ZNF33A: variants seen among roughly 807,000 people sequenced by gnomAD.
ZNF33A encodes zinc finger protein 33A.
In ZNF33A, 9 loss-of-function variants were observed where a neutral mutation model predicts 15.9. The ratio of observed to expected loss-of-function variants is 0.57; its 90% CI spans 0.34 to 0.99. The LOEUF is 0.99. ZNF33A is among the 50% of genes least tolerant of loss of function. The probability of loss-of-function intolerance (pLI) is 0.02; values close to 1 mark genes in which losing one functional copy is unlikely to be tolerated. For synonymous variants in ZNF33A, 294 were observed against 324.2 expected (o/e 0.91, Z 1.00); for missense variants, 843 against 941.6 (o/e 0.90, Z 1.37).
intron 4 of ZNF33A, among the ~76,000 whole-genome samples, chr10:38,049,085 A>G (rs1362249042): frequency 1.3e-5 from 2 of 152,114 alleles, no homozygotes; most frequent in Non-Finnish European, 1.5e-5. Flanking sequence ...CTCCCACCAT[A>G]AGGGGTTTAA....
At position 38,026,524 on chromosome 10, in the gene ZNF33A, G is replaced by A. The variant is rs184849735; in HGVS notation, c.250+9138G>A. On this transcript the variant is annotated intron_variant, in intron 4 of 4. Transcript: ENST00000432900. ...TAATTTTTGTGGTTTTAGTAGAGACGGGGTTTCACCATGTTGGCCAGGCTT... is the reference window on the plus strand; with the variant it reads ...TAATTTTTGTGGTTTTAGTAGAGACAGGGTTTCACCATGTTGGCCAGGCTT... Among the ~76,000 whole-genome samples, 1,374 of 152,168 alleles carry A rather than the reference G, an allele frequency of 9.0e-3. 9 individuals are homozygous for A. Among genetic ancestry groups the A allele is most frequent in the Middle Eastern group, 0.021 (6 of 292 alleles).
At chr10:38,061,042 G>A (rs1482791482), downstream of ZNF33A, among the ~76,000 whole-genome samples, 3 of 152,122 alleles carry the variant, frequency 2.0e-5, 1 homozygote, top group South Asian at 6.2e-4. Flanking sequence ...GTACAGTGAC[G>A]AACTGATCAG....
At chr10:38,017,146 C>G (rs1168685523) in intron 3 of ZNF33A, 131 bp downstream of exon 3, 1 of 1,429,550 alleles carries the variant, frequency 7.0e-7, no homozygotes, top group Non-Finnish European at 9.5e-7. Context: ...TTGATCACCT[C>G]TGAGTACCAG....
In ZNF33A at chr10:38,059,613, G is replaced by C. The variant is rs1413146799; in HGVS notation, c.*3053G>C. On this transcript the variant is annotated 3_prime_UTR_variant, in exon 5 of 5. Transcript: ENST00000432900. The stretch of plus-strand genomic sequence containing the variant: ...GTTAAGTGAAAACCAATCTGAAAAG[G>C]CTTTCTATTTTGTATGATTGCAATT... 2 of 152,150 alleles carry C rather than the reference G, an allele frequency of 1.3e-5. No individual in the cohort carries two copies. The highest frequency in any genetic ancestry group is 2.9e-5 in the Non-Finnish European group (2 of 68,014). 9.4% of individuals were successfully genotyped at this position (152,150 alleles called of 1,614,324 possible). A position where few individuals can be genotyped will look rare whatever the true frequency, so the allele number is the denominator to read the frequency against.
In ZNF33A at chr10:38,059,050, G is replaced by C. The variant is rs1564889548; in HGVS notation, c.*2490G>C. The C allele has an allele frequency of 6.6e-6, 1 of 152,132 alleles. No individual in the cohort carries two copies. The highest frequency in any genetic ancestry group is 1.5e-5 in the Non-Finnish European group (1 of 68,012). 9.4% of individuals were successfully genotyped at this position (152,132 alleles called of 1,614,324 possible). A position where few individuals can be genotyped will look rare whatever the true frequency, so the allele number is the denominator to read the frequency against. On this transcript the variant is annotated 3_prime_UTR_variant, in exon 5 of 5. Transcript: ENST00000432900. The stretch of plus-strand genomic sequence containing the variant: ...AATATTAGCAAATCAGGAATGCAAG[G>C]CTTGTTCAACATTTGATATTCAGTG...
At position 38,054,456 on chromosome 10, in the gene ZNF33A, A is replaced by G; in HGVS notation, c.332A>G (p.Asn111Ser). The G allele has an allele frequency of 6.2e-7, 1 of 1,610,114 alleles. No individual in the cohort carries two copies. The highest frequency in any genetic ancestry group is 8.5e-7 in the Non-Finnish European group (1 of 1,178,946). Reference protein sequence around the residue: ...KHLWEVVFINNEMLTKEQGDV... With the variant: ...KHLWEVVFINSEMLTKEQGDV... ...TTGTGGGAAGTTGTATTCATCAATAATGAAATGCTGACTAAGGAACAAGGT... is the reference window on the plus strand; with the variant it reads ...TTGTGGGAAGTTGTATTCATCAATAGTGAAATGCTGACTAAGGAACAAGGT... The change falls in exon 5 of 5, where the codon AAT (asparagine) becomes AGT (serine). Residue 111 changes from asparagine to serine, a missense_variant. Transcript: ENST00000432900.
chr10:38,044,444 A>G (rs1160520871), intron 4 of ZNF33A, among the ~76,000 whole-genome samples: 1 of 151,940 alleles, frequency 6.6e-6, no homozygotes, highest in Admixed American at 6.6e-5. Flanking sequence ...TCCTGACCGC[A>G]GGTGATTCAC....
At chr10:38,013,435 A>AT (rs758131209) in intron 2 of ZNF33A, among the ~76,000 whole-genome samples, 67 of 149,432 alleles carry the variant, frequency 4.5e-4, no homozygotes, top group South Asian at 3.0e-3. Flanking sequence ...TTTTATTATT[A>AT]TTATTTTTTT....
chr10:38,037,422 C>T (rs1378755942), intron 4 of ZNF33A, among the ~76,000 whole-genome samples: 2 of 151,650 alleles, frequency 1.3e-5, no homozygotes, highest in African/African-American at 4.9e-5. Context: ...CCCCTGGGTT[C>T]ACGCAAGTCT....
intron 4 of ZNF33A, among the ~76,000 whole-genome samples, chr10:38,027,243 T>TCGCCCTTGGTCCCTTGCTCATGGTGTA (rs1272427439): frequency 7.2e-5 from 11 of 152,162 alleles, no homozygotes; most frequent in African/African-American, 2.7e-4. Context: ...CCAGGATAAA[T>TCGCCCTTGGTCCCTTGCTCATGGTGTA]TAGTCCTCTT....
In ZNF33A at chr10:38,012,300, G is replaced by C. The variant is rs373455119; in HGVS notation, c.-42G>C. 4.9e-5 allele frequency: 79 copies of C among 1,610,542 alleles called. No individual in the cohort carries two copies. The African/African-American group carries it at 9.0e-4, about 18-fold the overall frequency. On this transcript the variant is annotated splice_region_variant and 5_prime_UTR_variant, in exon 2 of 5. Transcript: ENST00000432900. Reference sequence around the variant, plus strand: ...CCATTCCTCTTTTTCTAACTCAGCTGTATCTTCAGAGTTGTCTCCGTCTTT... The same window carrying C: ...CCATTCCTCTTTTTCTAACTCAGCTCTATCTTCAGAGTTGTCTCCGTCTTT...
chr10:38,014,171 A>C (rs2135535175), intron 2 of ZNF33A, among the ~76,000 whole-genome samples: 1 of 148,852 alleles, frequency 6.7e-6, no homozygotes, highest in African/African-American at 2.5e-5. Flanking sequence ...TCTCCCAAGT[A>C]GCTGAAATTA....
At position 38,017,398 on chromosome 10, in the gene ZNF33A, T is replaced by A. The variant is rs2064508993; in HGVS notation, c.250+12T>A. The A allele has an allele frequency of 1.3e-6, 2 of 1,592,154 alleles. No homozygotes were observed. Among genetic ancestry groups the A allele is most frequent in the Non-Finnish European group, 8.6e-7 (1 of 1,162,184 alleles). ...CCAAAGCTTTCCAGGTGAGTTAATA[T>A]GTACTGCACAGATTCACATCAGGGG... On this transcript the variant is annotated intron_variant, in intron 4 of 4. Coordinates refer to ENST00000432900, the MANE Select transcript of ZNF33A (RefSeq NM_006954.2).
chr10:38,064,295 C>A, downstream of ZNF33A: 1 of 582,778 alleles, frequency 1.7e-6, no homozygotes, highest in Non-Finnish European at 3.0e-6. Context: ...CTGGAAACAG[C>A]CTAAAGAGAC....
chr10:38,058,025 C>A lies in ZNF33A; in HGVS notation c.*1465C>A. The A allele has an allele frequency of 3.0e-6, 3 of 984,756 alleles. No individual in the cohort carries two copies. Among genetic ancestry groups the A allele is most frequent in the Non-Finnish European group, 3.6e-6 (3 of 829,450 alleles). 61.0% of individuals were successfully genotyped at this position (984,756 alleles called of 1,614,324 possible). ...TGTACACTATATTACATGATCAGAT[C>A]ATACAAATAATCTAAGATTATACAG... On this transcript the variant is annotated 3_prime_UTR_variant, in exon 5 of 5. Transcript: ENST00000432900.
At chr10:38,014,629 A>G (rs2064360996) in intron 2 of ZNF33A, among the ~76,000 whole-genome samples, 1 of 152,062 alleles carries the variant, frequency 6.6e-6, no homozygotes, top group African/African-American at 2.4e-5. Flanking sequence ...TTACATTGTG[A>G]TATTTGTCAT....
At chr10:38,035,657 G>C (rs1313507284) in intron 4 of ZNF33A, among the ~76,000 whole-genome samples, 1 of 152,122 alleles carries the variant, frequency 6.6e-6, no homozygotes, top group East Asian at 1.9e-4. Context: ...AATGCAATTA[G>C]ATGTTTTGGT....
intron 2 of ZNF33A, among the ~76,000 whole-genome samples, chr10:38,012,790 A>G (rs1450437623): frequency 6.6e-6 from 1 of 152,206 alleles, no homozygotes; most frequent in Non-Finnish European, 1.5e-5. Flanking sequence ...CTTCCCAGAA[A>G]ATATAAAGTA....
At chr10:38,052,966 A>G (rs1007539855) in intron 4 of ZNF33A, among the ~76,000 whole-genome samples, 2 of 151,642 alleles carry the variant, frequency 1.3e-5, no homozygotes, top group African/African-American at 4.8e-5. Context: ...GGACTGCAAT[A>G]ACATATATAC....
Sources: allele counts gnomAD v4.1 joint callset (sites outside exome capture counted in the v4.1 genomes callset), GRCh38; gene constraint gnomAD v4.1.1; transcripts MANE v1.5; gene names NCBI Gene and HGNC (gene_info 2026-07-23, HGNC 2026-07-21).